GABRB1: variants seen among roughly 807,000 people sequenced by gnomAD.
GABRB1 encodes gamma-aminobutyric acid receptor subunit beta-1.
GABRB1 carries 17 observed loss-of-function variants against 51.6 expected under a neutral mutation model. The ratio of observed to expected loss-of-function variants is 0.33; its 90% CI spans 0.23 to 0.49. The LOEUF (loss-of-function observed/expected upper bound fraction) is 0.49, where lower values mean the gene tolerates loss of function less well. Ranked by LOEUF, GABRB1 falls within the 20% of genes least tolerant of loss-of-function variation. The pLI, the probability that GABRB1 is intolerant of heterozygous loss-of-function variation, is 0.99. For missense variants in GABRB1, 410 were observed against 600.6 expected (o/e 0.68, Z 3.32); for synonymous variants, 247 against 218.9 (o/e 1.13, Z -1.14).
In GABRB1 at chr4:47,195,461, T is replaced by TGATA. The variant is rs200527612; in HGVS notation, c.461+34035_461+34038dup. On this transcript the variant is annotated intron_variant, in intron 4 of 8. Coordinates refer to ENST00000295454, the MANE Select transcript of GABRB1 (RefSeq NM_000812.4). ...ATAGATAGATGATAGATAGATTAGA[T>TGATA]GATAGATAGATAGATAGATAGATAG... Among the ~76,000 whole-genome samples the TGATA allele has an allele frequency of 3.3e-3, 285 of 85,438 alleles. 3 individuals carry two copies. The highest frequency in any genetic ancestry group is 5.7e-3 in the African/African-American group (131 of 22,814). 56.1% of individuals were successfully genotyped at this position (85,438 alleles called of 152,430 possible). A position where few individuals can be genotyped will look rare whatever the true frequency, so the allele number is the denominator to read the frequency against.
chr4:47,423,489 G>A (rs1729155459), intron 8 of GABRB1, among the ~76,000 whole-genome samples: 1 of 152,236 alleles, frequency 6.6e-6, no homozygotes, highest in African/African-American at 2.4e-5. Context: ...GTAAAAGTCA[G>A]TGCTAAGGGT....
chr4:47,153,843 G>T (rs1717567745), intron 3 of GABRB1, among the ~76,000 whole-genome samples: 1 of 151,950 alleles, frequency 6.6e-6, no homozygotes, highest in African/African-American at 2.4e-5. Flanking sequence ...ATGCGACAAA[G>T]GTAAAAGAAG....
intron 3 of GABRB1, among the ~76,000 whole-genome samples, chr4:47,078,445 C>T (rs1727669937): frequency 6.6e-6 from 1 of 152,066 alleles, no homozygotes; most frequent in African/African-American, 2.4e-5. Context: ...AACTTTTCAC[C>T]ATTTTTATTC....
chr4:47,044,100 G>C (rs1020147605), intron 3 of GABRB1, among the ~76,000 whole-genome samples: 5 of 152,074 alleles, frequency 3.3e-5, no homozygotes, highest in African/African-American at 1.2e-4. Flanking sequence ...TGCCTACACT[G>C]ATCTTCTGCA....
chr4:47,186,224 C>CG (rs1156772691), intron 4 of GABRB1, among the ~76,000 whole-genome samples: 3 of 97,232 alleles, frequency 3.1e-5, no homozygotes, highest in Non-Finnish European at 6.2e-5. Context: ...GGTGGGGGGG[C>CG]GGGGGGTAAG....
intron 5 of GABRB1, among the ~76,000 whole-genome samples, chr4:47,379,720 A>T (rs1370768054): frequency 6.6e-6 from 1 of 152,196 alleles, no homozygotes; most frequent in Admixed American, 6.5e-5. Flanking sequence ...ATATGATTCA[A>T]CCTAATATGG....
chr4:47,123,835 TTATATTATA>T (rs1388447594), intron 3 of GABRB1, among the ~76,000 whole-genome samples: 12 of 89,320 alleles, frequency 1.3e-4, no homozygotes, highest in Non-Finnish European at 2.4e-4. Flanking sequence ...ATATTATATA[TTATATTATA>T]TATATTATAT....
intron 1 of GABRB1, among the ~76,000 whole-genome samples, chr4:46,998,732 TAAA>T (rs1031492003): frequency 4.5e-5 from 3 of 66,426 alleles, no homozygotes; most frequent in Non-Finnish European, 8.7e-5. Flanking sequence ...AGACTCTGTC[TAAA>T]AAAAAAAAAA....
chr4:47,387,629 A>G (rs1396114615), intron 5 of GABRB1, among the ~76,000 whole-genome samples: 1 of 152,230 alleles, frequency 6.6e-6, no homozygotes, highest in Non-Finnish European at 1.5e-5. Flanking sequence ...GCGAATTTGA[A>G]CTTGTGCTGC....
chr4:47,221,538 A>C (rs993974417), intron 4 of GABRB1, among the ~76,000 whole-genome samples: 4 of 151,962 alleles, frequency 2.6e-5, no homozygotes, highest in Admixed American at 6.6e-5. Flanking sequence ...TCATTGAAAT[A>C]ATATAGGCAT....
chr4:47,021,621 T>G (rs531649472), intron 1 of GABRB1, among the ~76,000 whole-genome samples: 2 of 152,156 alleles, frequency 1.3e-5, no homozygotes, highest in African/African-American at 2.4e-5. Context: ...AGTTCCTTCT[T>G]CTTTCTGGGA....
intron 1 of GABRB1, among the ~76,000 whole-genome samples, chr4:47,007,094 C>A (rs553709606): frequency 6.6e-6 from 1 of 151,306 alleles, no homozygotes; most frequent in Non-Finnish European, 1.5e-5. Flanking sequence ...GAGCCATGAT[C>A]GTGCCACTGC....
chr4:47,350,760 C>T (rs574946346), intron 5 of GABRB1, among the ~76,000 whole-genome samples: 9 of 152,062 alleles, frequency 5.9e-5, no homozygotes, highest in Non-Finnish European at 5.9e-5. Context: ...CCTGATGACA[C>T]GATGCAAACA....
At chr4:47,007,561 T>C (rs553894382) in intron 1 of GABRB1, among the ~76,000 whole-genome samples, 1 of 152,310 alleles carries the variant, frequency 6.6e-6, no homozygotes, top group East Asian at 1.9e-4. Context: ...AGAGTATATA[T>C]ATTCTTTTCA....
intron 3 of GABRB1, among the ~76,000 whole-genome samples, chr4:47,119,971 G>A (rs1291352347): frequency 3.3e-5 from 5 of 151,758 alleles, no homozygotes; most frequent in South Asian, 2.1e-4. Flanking sequence ...AAGGACATGC[G>A]AAATCAAAAC....
intron 3 of GABRB1, among the ~76,000 whole-genome samples, chr4:47,062,181 A>G (rs951539620): frequency 6.6e-6 from 1 of 152,146 alleles, no homozygotes; most frequent in African/African-American, 2.4e-5. Flanking sequence ...TTTATACCAA[A>G]TTCCACGAAG....
chr4:47,303,720 A>T (rs1047062662), intron 4 of GABRB1, among the ~76,000 whole-genome samples: 1 of 152,130 alleles, frequency 6.6e-6, no homozygotes, highest in South Asian at 2.1e-4. Flanking sequence ...TAATTCACAT[A>T]TGCATTACCC....
chr4:47,029,775 C>A (rs1360280886), upstream of GABRB1, among the ~76,000 whole-genome samples: 2 of 151,946 alleles, frequency 1.3e-5, no homozygotes, highest in Non-Finnish European at 2.9e-5. Context: ...AATTGTCTTG[C>A]AACATTTATT....
At chr4:47,200,118 G>T (rs927038218) in intron 4 of GABRB1, among the ~76,000 whole-genome samples, 1 of 152,166 alleles carries the variant, frequency 6.6e-6, no homozygotes, top group Non-Finnish European at 1.5e-5. Context: ...GGGCATAGAG[G>T]GAAGTGAGAA....
Sources: gnomAD v4.1 joint callset for allele counts (sites outside exome capture counted in the v4.1 genomes callset) on GRCh38, gnomAD v4.1.1 for gene constraint, MANE v1.5 for transcripts, NCBI Gene and HGNC (gene_info 2026-07-23, HGNC 2026-07-21) for gene names.